MOGAT1: variants seen among roughly 807,000 people sequenced by gnomAD.
MOGAT1 encodes 2-acylglycerol O-acyltransferase 1.
A neutral mutation model predicts 31.4 loss-of-function variants in MOGAT1; 32 were observed. The observed-to-expected ratio is 1.02, with a 90% CI of 0.77 to 1.37. The LOEUF is 1.37. Ranked by LOEUF, MOGAT1 falls within the 40% of genes most tolerant of loss-of-function variation. MOGAT1 has a pLI of 0.00. For missense variants in MOGAT1, 426 were observed against 402.0 expected (o/e 1.06, Z -0.51); for synonymous variants, 145 against 144.5 (o/e 1.00, Z -0.03).
At chr2:222,708,477 A>G (rs1283126006) in intron 5 of MOGAT1, among the ~76,000 whole-genome samples, 1 of 152,212 alleles carries the variant, frequency 6.6e-6, no homozygotes, top group Non-Finnish European at 1.5e-5. Flanking sequence ...GAATTTTTGT[A>G]TTTTCTAAAA....
At chr2:222,687,144 G>A (rs1348012952) in intron 1 of MOGAT1, among the ~76,000 whole-genome samples, 712 of 50,044 alleles carry the variant, frequency 0.014, 25 homozygotes, top group Middle Eastern at 0.036. Context: ...AAAAAAGAAA[G>A]AACAAGAAAG....
intron 3 of MOGAT1, 79 bp from the exon 4 acceptor site, chr2:222,694,283 T>C: frequency 1.5e-6 from 2 of 1,306,960 alleles, no homozygotes; most frequent in Non-Finnish European, 2.1e-6. Context: ...ATGTTTACTA[T>C]TGTCATGGAA....
chr2:222,690,994 G>C (rs1437664899), intron 3 of MOGAT1, among the ~76,000 whole-genome samples: 3 of 152,212 alleles, frequency 2.0e-5, no homozygotes, highest in Admixed American at 1.3e-4. Flanking sequence ...CAGTGAGTTT[G>C]AGTCGTATAG....
chr2:222,705,592 T>C (rs776315349), intron 5 of MOGAT1, among the ~76,000 whole-genome samples: 2 of 152,226 alleles, frequency 1.3e-5, no homozygotes, highest in Non-Finnish European at 2.9e-5. Flanking sequence ...GCCCATTCCT[T>C]GAAGTTTTAT....
chr2:222,684,478 A>G (rs975746541), intron 1 of MOGAT1, among the ~76,000 whole-genome samples: 2 of 152,212 alleles, frequency 1.3e-5, no homozygotes, highest in African/African-American at 4.8e-5. Flanking sequence ...AAATGTATGC[A>G]GTATCTAGAG....
At chr2:222,683,722 G>A (rs372569978) in intron 1 of MOGAT1, among the ~76,000 whole-genome samples, 1 of 151,728 alleles carries the variant, frequency 6.6e-6, no homozygotes, top group Admixed American at 6.6e-5. Context: ...GTGAGACTCC[G>A]TTTCAAAAAA....
chr2:222,677,414 A>G (rs1692515095), intron 1 of MOGAT1, among the ~76,000 whole-genome samples: 3 of 152,186 alleles, frequency 2.0e-5, no homozygotes, highest in South Asian at 2.1e-4. Context: ...CCCTGACTCT[A>G]CTAAAAAGCT....
chr2:222,692,619 G>C (rs1268524390), intron 3 of MOGAT1, among the ~76,000 whole-genome samples: 1 of 152,188 alleles, frequency 6.6e-6, no homozygotes, highest in Non-Finnish European at 1.5e-5. Context: ...TGGGCATTTG[G>C]AGATATGGGC....
chr2:222,709,676 C>T lies in MOGAT1; in HGVS notation c.854-60C>T, dbSNP rs1041178341. 26 of 1,498,688 alleles carry T rather than the reference C, an allele frequency of 1.7e-5. No individual in the cohort carries two copies. In the African/African-American group the frequency reaches 1.9e-4, roughly 11 times the overall value. 92.8% of individuals were successfully genotyped at this position (1,498,688 alleles called of 1,614,324 possible). ...TGTGTTCACAGCTGTGCATTAGGGG[C>T]GGCGGTCTGTGGTGGAGTGGTTTTA... On this transcript the variant is annotated intron_variant, in intron 5 of 5. Transcript: ENST00000446656.
chr2:222,686,379 G>A (rs1025211375), intron 1 of MOGAT1, among the ~76,000 whole-genome samples: 9 of 152,164 alleles, frequency 5.9e-5, no homozygotes, highest in Admixed American at 3.3e-4. Context: ...AAGGATAATC[G>A]TTCTCCACTC....
At chr2:222,692,514 T>G (rs577608950) in intron 3 of MOGAT1, among the ~76,000 whole-genome samples, 1 of 152,328 alleles carries the variant, frequency 6.6e-6, no homozygotes, top group South Asian at 2.1e-4. Flanking sequence ...TAAATAATGT[T>G]GGAAGAGGGA....
chr2:222,685,560 A>T lies in MOGAT1; in HGVS notation c.95-2784A>T, dbSNP rs368063576. 1.9e-4 allele frequency among the ~76,000 whole-genome samples: 28 copies of T among 149,332 alleles called. 1 individual carries two copies. In the East Asian group the frequency reaches 4.1e-3, roughly 22 times the overall value. On this transcript the variant is annotated intron_variant, in intron 1 of 5. Coordinates refer to ENST00000446656, the MANE Select transcript of MOGAT1 (RefSeq NM_058165.3). ...GTATAGAAAATAAAAAATAGACGTT[A>T]TCTAGTTACCTAGTTTTTATAGTGT...
intron 3 of MOGAT1, among the ~76,000 whole-genome samples, chr2:222,693,737 G>A (rs761105539): frequency 6.6e-6 from 1 of 152,072 alleles, no homozygotes; most frequent in Non-Finnish European, 1.5e-5. Context: ...CTGCCCCCAC[G>A]AGTCAGTTAC....
intron 5 of MOGAT1, among the ~76,000 whole-genome samples, chr2:222,701,120 C>T (rs570935358): frequency 1.6e-4 from 25 of 152,228 alleles, no homozygotes; most frequent in Non-Finnish European, 2.2e-4. Context: ...CGTGGCTGGC[C>T]GCGGTGGCTC....
At position 222,695,226 on chromosome 2, in the gene MOGAT1, C is replaced by T. The variant is rs150691945; in HGVS notation, c.791C>T (p.Ala264Val). The change falls in exon 5 of 6, where the codon GCC (alanine) becomes GTC (valine). Residue 264 changes from alanine to valine, a missense_variant. By Grantham distance (64) the Ala-to-Val change is moderately conservative (BLOSUM62 0). Transcript: ENST00000446656. ...IMGFALPLFH[A>V]RGVFQYNFGL... ...GGGTTTGCTTTGCCCCTGTTTCATG[C>T]CAGGGGAGTTTTTCAGTACAATTTT... 1 of 1,613,438 alleles carries T rather than the reference C, an allele frequency of 6.2e-7. No individual in the cohort carries two copies. The highest frequency in any genetic ancestry group is 2.2e-5 in the East Asian group (1 of 44,860).
chr2:222,673,349 T>G (rs934418439), intron 1 of MOGAT1, among the ~76,000 whole-genome samples: 66 of 28,820 alleles, frequency 2.3e-3, no homozygotes, highest in African/African-American at 0.014. Context: ...AAAAAAAATG[T>G]AATTCAAAGT....
At chr2:222,698,139 G>C (rs1692863779) in intron 5 of MOGAT1, among the ~76,000 whole-genome samples, 1 of 152,188 alleles carries the variant, frequency 6.6e-6, no homozygotes, top group Non-Finnish European at 1.5e-5. Flanking sequence ...AAAATGAATA[G>C]CATGAACTGA....
chr2:222,694,455 A>C lies in MOGAT1; in HGVS notation c.572A>C (p.Glu191Ala), dbSNP rs2106039824. The C allele has an allele frequency of 6.2e-7, 1 of 1,613,982 alleles. No homozygotes were observed. The highest frequency in any genetic ancestry group is 2.2e-5 in the East Asian group (1 of 44,878). Residue 191 changes from glutamate (E) to alanine (A), a missense_variant, in exon 4 of 6, where the codon GAA (glutamate) becomes GCA (alanine). Glu to Ala is a moderately radical substitution (Grantham distance 107). Coordinates refer to ENST00000446656, the MANE Select transcript of MOGAT1 (RefSeq NM_058165.3). ...GTCATTGTCCTTGGGGGTGCAAAAG[A>C]ATCACTGGATGCTCATCCTGGAAAG... is the stretch of plus-strand genomic sequence containing the variant. ...ISVIVLGGAK[E>A]SLDAHPGKFT...
chr2:222,706,275 C>A (rs564569528), intron 5 of MOGAT1, among the ~76,000 whole-genome samples: 3 of 152,180 alleles, frequency 2.0e-5, no homozygotes, highest in Admixed American at 6.5e-5. Context: ...GAGTTTGAGA[C>A]CAGCCTGACC....
Sources: gnomAD v4.1 joint callset for allele counts (sites outside exome capture counted in the v4.1 genomes callset) on GRCh38, gnomAD v4.1.1 for gene constraint, MANE v1.5 for transcripts, NCBI Gene and HGNC (gene_info 2026-07-23, HGNC 2026-07-21) for gene names.